The following ARHGAP15 variants were observed in gnomAD, a reference collection of about 807,000 sequenced individuals.
ARHGAP15 encodes rho GTPase-activating protein 15.
Under a neutral mutation model 63.7 loss-of-function variants are expected in ARHGAP15, and 51 were observed. The observed-to-expected ratio is 0.80, with a 90% CI of 0.64 to 1.01. The LOEUF is 1.01. Among genes scored for constraint, ARHGAP15 ranks in the 50% least tolerant of loss-of-function variants. The pLI is 0.00. For missense variants in ARHGAP15, 560 were observed against 564.6 expected (o/e 0.99, Z 0.08); for synonymous variants, 191 against 193.8 (o/e 0.99, Z 0.12).
intron 6 of ARHGAP15, among the ~76,000 whole-genome samples, chr2:143,284,192 A>G (rs1168576891): frequency 6.6e-6 from 1 of 152,208 alleles, no homozygotes; most frequent in Non-Finnish European, 1.5e-5. Context: ...GCAAAGACGT[A>G]CAAAAAACTG....
chr2:143,162,207 AT>A (rs1270594374), intron 2 of ARHGAP15: 1 of 151,964 alleles, frequency 6.6e-6, no homozygotes, highest in African/African-American at 2.4e-5. Context: ...GTCAGCTAGG[AT>A]TGATTTTCAC....
chr2:143,722,052 A>G (rs1685082936), intron 13 of ARHGAP15, among the ~76,000 whole-genome samples: 1 of 152,098 alleles, frequency 6.6e-6, no homozygotes, highest in Admixed American at 6.5e-5. Flanking sequence ...AGCATTAAAA[A>G]CTTAATTGTT....
At chr2:143,684,906 C>A (rs1023725327) in intron 12 of ARHGAP15, among the ~76,000 whole-genome samples, 2 of 152,092 alleles carry the variant, frequency 1.3e-5, no homozygotes, top group African/African-American at 4.8e-5. Context: ...AGAGACCTTT[C>A]CAGTCAGTGT....
chr2:143,719,317 A>G (rs1684948594), intron 13 of ARHGAP15, among the ~76,000 whole-genome samples: 1 of 152,242 alleles, frequency 6.6e-6, no homozygotes, highest in Non-Finnish European at 1.5e-5. Flanking sequence ...ACTTTTGTCT[A>G]ATTAATCTGT....
intron 5 of ARHGAP15, among the ~76,000 whole-genome samples, chr2:143,233,186 C>A (rs745888355): frequency 2.0e-5 from 3 of 151,910 alleles, no homozygotes; most frequent in Non-Finnish European, 4.4e-5. Flanking sequence ...TTGCCACATT[C>A]TTTGCTATTT....
At chr2:143,274,661 A>G (rs914532775) in intron 6 of ARHGAP15, among the ~76,000 whole-genome samples, 4 of 152,188 alleles carry the variant, frequency 2.6e-5, no homozygotes, top group African/African-American at 9.7e-5. Flanking sequence ...TTACCATACA[A>G]TTGATTGGGT....
chr2:143,325,023 A>G (rs1217116884), intron 6 of ARHGAP15, among the ~76,000 whole-genome samples: 1 of 152,190 alleles, frequency 6.6e-6, no homozygotes, highest in Non-Finnish European at 1.5e-5. Flanking sequence ...AACACTTACT[A>G]GTCAATCTCA....
chr2:143,644,731 C>T lies in ARHGAP15; in HGVS notation c.1138+20464C>T, dbSNP rs190516201. ...AATGATACCAAGATATAAGTTGCTG[C>T]GTGCAAAAAAAATCAAGCCTAAAAC... On this transcript the variant is annotated intron_variant, in intron 12 of 13. Coordinates refer to ENST00000295095, the MANE Select transcript of ARHGAP15 (RefSeq NM_018460.4). Among the ~76,000 whole-genome samples, 387 of 151,844 alleles carry T rather than the reference C, an allele frequency of 2.5e-3. 1 individual carries two copies. Among genetic ancestry groups the T allele is most frequent in the Non-Finnish European group, 4.3e-3 (292 of 67,926 alleles).
chr2:143,751,891 T>C lies in ARHGAP15; in HGVS notation c.1245-16098T>C, dbSNP rs114383643. ...TCACAGTTAATTATACCTGCCTAGA[T>C]GGTGACTCTTTGCCTTGACTGCTGG... On this transcript the variant is annotated intron_variant, in intron 13 of 13. Transcript: ENST00000295095. 5.0e-3 allele frequency among the ~76,000 whole-genome samples: 755 copies of C among 152,302 alleles called. 2 individuals are homozygous for C. The highest frequency in any genetic ancestry group is 0.017 in the African/African-American group (710 of 41,578).
chr2:143,318,294 C>T (rs1683819907), intron 6 of ARHGAP15, among the ~76,000 whole-genome samples: 1 of 152,078 alleles, frequency 6.6e-6, no homozygotes, highest in African/African-American at 2.4e-5. Flanking sequence ...GTGTGAGCCA[C>T]CATGCCCGTC....
rs377081782 is a variant in ARHGAP15 at position 143,439,449 on chromosome 2, G to T, written c.703+2407G>T. Among the ~76,000 whole-genome samples, 295 of 51,570 alleles carry T rather than the reference G, an allele frequency of 5.7e-3. 12 individuals carry two copies. The highest frequency in any genetic ancestry group is 0.017 in the African/African-American group (282 of 16,436). The allele number at this position is 51,570 out of a possible 152,430, so 33.8% of individuals were successfully genotyped here. ...AAAAAAAAAAAAAAAAAAAAAAAAAGGGAAGAGATACATGATTTATTCTAT... is the reference window on the plus strand; with the variant it reads ...AAAAAAAAAAAAAAAAAAAAAAAAATGGAAGAGATACATGATTTATTCTAT... On this transcript the variant is annotated intron_variant, in intron 8 of 13. Coordinates refer to ENST00000295095, the MANE Select transcript of ARHGAP15 (RefSeq NM_018460.4).
intron 6 of ARHGAP15, among the ~76,000 whole-genome samples, chr2:143,397,460 TAAA>T (rs1165752352): frequency 6.6e-6 from 1 of 151,820 alleles, no homozygotes; most frequent in African/African-American, 2.4e-5. Context: ...AATTGCTTAT[TAAA>T]AAATTGCTAA....
chr2:143,530,757 C>A (rs1377872246), intron 10 of ARHGAP15, among the ~76,000 whole-genome samples: 4 of 152,120 alleles, frequency 2.6e-5, no homozygotes, highest in Non-Finnish European at 5.9e-5. Flanking sequence ...ATTTCCTGCT[C>A]GTATTTCTAA....
chr2:143,413,962 TGTGTGC>T (rs1389302421), intron 6 of ARHGAP15, among the ~76,000 whole-genome samples: 1 of 59,580 alleles, frequency 1.7e-5, no homozygotes, highest in African/African-American at 6.3e-5. Flanking sequence ...TGTGTGTGTG[TGTGTGC>T]GCGCTCTCTG....
intron 9 of ARHGAP15, among the ~76,000 whole-genome samples, chr2:143,490,867 A>T (rs562777412): frequency 6.6e-6 from 1 of 152,148 alleles, no homozygotes; most frequent in Non-Finnish European, 1.5e-5. Flanking sequence ...GCCTCAAATG[A>T]TCTGCCTGCC....
intron 9 of ARHGAP15, among the ~76,000 whole-genome samples, chr2:143,493,669 A>G (rs1415115660): frequency 6.6e-6 from 1 of 152,066 alleles, no homozygotes; most frequent in East Asian, 1.9e-4. Flanking sequence ...ATCTTCTTCT[A>G]AAGTCCTTTC....
At chr2:143,454,391 A>G (rs957507697) in intron 8 of ARHGAP15, among the ~76,000 whole-genome samples, 3 of 152,066 alleles carry the variant, frequency 2.0e-5, no homozygotes, top group African/African-American at 7.2e-5. Flanking sequence ...ACACCAAGCA[A>G]TGTGTTTTAT....
At chr2:143,416,829 A>T (rs10164678) in intron 6 of ARHGAP15, among the ~76,000 whole-genome samples, 4 of 104,844 alleles carry the variant, frequency 3.8e-5, no homozygotes, top group East Asian at 3.4e-4. Context: ...CCACCCCCCC[A>T]CCCCCACGCC....
intron 9 of ARHGAP15, among the ~76,000 whole-genome samples, chr2:143,506,074 C>G (rs1417650912): frequency 1.3e-5 from 2 of 152,180 alleles, no homozygotes; most frequent in African/African-American, 2.4e-5. Flanking sequence ...TTGAACTATG[C>G]ATTCATGCAA....
Sources: gnomAD v4.1 joint callset for allele counts (sites outside exome capture counted in the v4.1 genomes callset) on GRCh38, gnomAD v4.1.1 for gene constraint, MANE v1.5 for transcripts, NCBI Gene and HGNC (gene_info 2026-07-23, HGNC 2026-07-21) for gene names.